Variants in CDC14A observed in about 807,000 individuals in gnomAD.
CDC14A encodes the protein cell division cycle 14A, also known as dual specificity protein phosphatase CDC14A.
In CDC14A, 53 loss-of-function variants were observed where a neutral mutation model predicts 74.4. The observed-to-expected ratio is 0.71, with a 90% CI of 0.57 to 0.89. The LOEUF (loss-of-function observed/expected upper bound fraction) is 0.89. Ranked by LOEUF, CDC14A falls within the 40% of genes least tolerant of loss-of-function variation. The probability of loss-of-function intolerance (pLI) is 0.00; values close to 1 mark genes in which losing one functional copy is unlikely to be tolerated. For missense variants in CDC14A, 646 were observed against 713.7 expected (o/e 0.91, Z 1.08); for synonymous variants, 247 against 258.4 (o/e 0.96, Z 0.43).
intron 3 of CDC14A, among the ~76,000 whole-genome samples, chr1:100,381,502 G>A (rs2100960138): frequency 6.6e-6 from 1 of 152,240 alleles, no homozygotes; most frequent in South Asian, 2.1e-4. Flanking sequence ...AAGAAAGCTT[G>A]TGTGATTTTT....
intron 15 of CDC14A, among the ~76,000 whole-genome samples, chr1:100,503,141 T>A (rs1160128749): frequency 6.6e-6 from 1 of 152,162 alleles, no homozygotes; most frequent in Non-Finnish European, 1.5e-5. Flanking sequence ...TGATGAAAAT[T>A]CCCACTTTGT....
Position 100,478,967 on chromosome 1 carries a change from C to A in CDC14A, c.978-5325C>A, listed in dbSNP as rs28364895. ...AGAGTGTGCATTTCTAACAGGCTCC[C>A]AGGTGGTGTGCTGCTGCTGGTCCCT... is the stretch of plus-strand genomic sequence containing the variant. On this transcript the variant is annotated intron_variant, in intron 10 of 15. Coordinates refer to ENST00000336454, the MANE Select transcript of CDC14A (RefSeq NM_003672.4). 7.5e-3 allele frequency among the ~76,000 whole-genome samples: 1,144 copies of A among 152,232 alleles called. 9 individuals carry two copies. The highest frequency in any genetic ancestry group is 0.028 in the Admixed American group (433 of 15,294).
intron 5 of CDC14A, among the ~76,000 whole-genome samples, chr1:100,438,528 C>T (rs1309264754): frequency 6.6e-6 from 1 of 152,174 alleles, no homozygotes; most frequent in Non-Finnish European, 1.5e-5. Flanking sequence ...ATATAGTTTA[C>T]ATTTTTACAA....
chr1:100,478,605 CAGAG>C (rs1333900926), intron 10 of CDC14A, among the ~76,000 whole-genome samples: 1 of 152,126 alleles, frequency 6.6e-6, no homozygotes, highest in African/African-American at 2.4e-5. Flanking sequence ...CCTTCTGAGA[CAGAG>C]AGAACTCACA....
At chr1:100,468,576 AAGG>A (rs1202435228) in intron 10 of CDC14A, among the ~76,000 whole-genome samples, 11 of 152,352 alleles carry the variant, frequency 7.2e-5, no homozygotes, top group Admixed American at 2.0e-4. Context: ...CAGAAGAAAA[AAGG>A]AGGAGAACTG....
chr1:100,503,281 G>A (rs1187368301), intron 15 of CDC14A, among the ~76,000 whole-genome samples: 3 of 152,274 alleles, frequency 2.0e-5, no homozygotes, highest in Non-Finnish European at 4.4e-5. Context: ...GTGAGATTAG[G>A]AGCCTTGAAG....
At chr1:100,404,502 G>T (rs191186276) in intron 4 of CDC14A, among the ~76,000 whole-genome samples, 1 of 152,270 alleles carries the variant, frequency 6.6e-6, no homozygotes, top group East Asian at 1.9e-4. Flanking sequence ...AAAGCCAGGG[G>T]TGTAGTTATA....
At position 100,484,452 on chromosome 1, in the gene CDC14A, G is replaced by C. The variant is rs1194129952; in HGVS notation, c.1137+1G>C. 2 of 1,594,332 alleles carry C rather than the reference G, an allele frequency of 1.3e-6. No homozygotes were observed. The highest frequency in any genetic ancestry group is 8.5e-7 in the Non-Finnish European group (1 of 1,173,022). On this transcript the variant is annotated splice_donor_variant, in intron 11 of 15. Coordinates refer to ENST00000336454, the MANE Select transcript of CDC14A (RefSeq NM_003672.4). LOFTEE classifies it high-confidence loss of function. The stretch of plus-strand genomic sequence containing the variant: ...ACAAAACATGGAACGATTTGGAGAG[G>C]TAAGTTTTCCCTAGGAGATTCTATC...
chr1:100,351,719 C>A, upstream of CDC14A: 1 of 1,548,360 alleles, frequency 6.5e-7, no homozygotes, highest in Non-Finnish European at 8.7e-7. Context: ...CTTTTGCGCT[C>A]ACATTGGCGG....
chr1:100,494,485 G>T lies in CDC14A; in HGVS notation c.1138-333G>T, dbSNP rs74104803. On this transcript the variant is annotated intron_variant, in intron 11 of 15. Transcript: ENST00000336454. Reference sequence around the variant, plus strand: ...AAAACATATTTGTACTGCATCTGTGGGCCCTTCTGTATCTAGGCTATATTC... The same window carrying T: ...AAAACATATTTGTACTGCATCTGTGTGCCCTTCTGTATCTAGGCTATATTC... 0.019 allele frequency among the ~76,000 whole-genome samples: 2,922 copies of T among 152,206 alleles called. 104 individuals carry two copies. Among genetic ancestry groups the T allele is most frequent in the African/African-American group, 0.067 (2,796 of 41,514 alleles).
chr1:100,375,865 A>T (rs921110095), intron 2 of CDC14A, among the ~76,000 whole-genome samples: 11 of 152,170 alleles, frequency 7.2e-5, no homozygotes, highest in African/African-American at 1.9e-4. Flanking sequence ...TTATTGCGGC[A>T]CTATTCACAA....
chr1:100,494,130 G>T (rs1363759240), intron 11 of CDC14A, among the ~76,000 whole-genome samples: 1 of 152,110 alleles, frequency 6.6e-6, no homozygotes, highest in Non-Finnish European at 1.5e-5. Flanking sequence ...TGGGAGCTTG[G>T]GCAATATTCC....
intron 10 of CDC14A, among the ~76,000 whole-genome samples, chr1:100,479,137 C>CT (rs564154304): frequency 2.5e-4 from 38 of 152,082 alleles, no homozygotes; most frequent in Non-Finnish European, 5.1e-4. Flanking sequence ...TAAACCATTG[C>CT]TTTTTTATTT....
At chr1:100,389,325 G>A (rs542221044) in intron 3 of CDC14A, among the ~76,000 whole-genome samples, 11 of 151,736 alleles carry the variant, frequency 7.2e-5, no homozygotes, top group Admixed American at 6.6e-4. Context: ...GGGCGTGGTT[G>A]TGGGTGCCTG....
chr1:100,488,139 T>G (rs769399381), intron 11 of CDC14A, among the ~76,000 whole-genome samples: 8 of 152,196 alleles, frequency 5.3e-5, no homozygotes, highest in Non-Finnish European at 7.3e-5. Context: ...CCATTATGGC[T>G]TGGAGTTATC....
intron 15 of CDC14A, among the ~76,000 whole-genome samples, chr1:100,499,912 G>A (rs1648511565): frequency 6.6e-6 from 1 of 152,156 alleles, no homozygotes; most frequent in Admixed American, 6.5e-5. Flanking sequence ...TCAGGAAGGT[G>A]TTTAAAAGTA....
chr1:100,499,271 G>GCAGAC lies in CDC14A; in HGVS notation c.1755+10_1755+14dup, dbSNP rs748719338. ...TGAGCCGTTCTATCCCTGTAAGTGC[G>GCAGAC]CAGACACCACCTCCTGGTCCTCAGA... On this transcript the variant is annotated intron_variant, in intron 15 of 15. Transcript: ENST00000336454. 4.3e-6 allele frequency: 7 copies of GCAGAC among 1,614,134 alleles called. No individual in the cohort carries two copies. The highest frequency in any genetic ancestry group is 5.9e-6 in the Non-Finnish European group (7 of 1,180,016).
chr1:100,433,416 G>A lies in CDC14A; in HGVS notation c.390-6516G>A, dbSNP rs991513640. 2.0e-5 allele frequency among the ~76,000 whole-genome samples: 3 copies of A among 152,180 alleles called. No individual in the cohort carries two copies. The East Asian group carries it at 5.8e-4, about 29-fold the overall frequency. ...TTGTGAAGAGGGGATTCAGTTCAGT[G>A]CTTATAAGGGTTCTTAGATGACCTT... is the stretch of plus-strand genomic sequence containing the variant. On this transcript the variant is annotated intron_variant, in intron 5 of 15. Coordinates refer to ENST00000336454, the MANE Select transcript of CDC14A (RefSeq NM_003672.4).
chr1:100,350,401 T>C (rs1341040367), upstream of CDC14A, among the ~76,000 whole-genome samples: 2 of 152,242 alleles, frequency 1.3e-5, no homozygotes, highest in African/African-American at 4.8e-5. Context: ...CCCCATGCAA[T>C]ATTTTAAAAA....
Sources: allele counts gnomAD v4.1 joint callset (sites outside exome capture counted in the v4.1 genomes callset), GRCh38; gene constraint gnomAD v4.1.1; transcripts MANE v1.5; gene names NCBI Gene and HGNC (gene_info 2026-07-23, HGNC 2026-07-21).